The following CAMKMT variants were observed in gnomAD, a reference collection of about 807,000 sequenced individuals.
CAMKMT encodes CaM KMT.
A neutral mutation model predicts 48.0 loss-of-function variants in CAMKMT; 53 were observed. That is an observed-to-expected ratio of 1.10 (90% CI 0.89 to 1.39). The LOEUF (loss-of-function observed/expected upper bound fraction) is 1.39, where lower values mean the gene tolerates loss of function less well. Among genes scored for constraint, CAMKMT ranks in the 40% most tolerant of loss-of-function variants. CAMKMT has a pLI of 0.00. For synonymous variants in CAMKMT, 165 were observed against 152.3 expected, an observed-to-expected ratio of 1.08 and a Z score of -0.61; for missense variants, 428 against 402.7, an observed-to-expected ratio of 1.06 and a Z score of -0.54.
chr2:44,586,564 A>G (rs1287780843), intron 3 of CAMKMT, among the ~76,000 whole-genome samples: 4 of 152,092 alleles, frequency 2.6e-5, no homozygotes, highest in Non-Finnish European at 5.9e-5. Context: ...ACTCAGCATA[A>G]CTATTTTGAG....
At chr2:44,424,745 A>T (rs113329678) in intron 3 of CAMKMT, among the ~76,000 whole-genome samples, 8,501 of 152,246 alleles carry the variant, frequency 0.056, 301 homozygotes, top group South Asian at 0.13. Flanking sequence ...GACACAGTGC[A>T]CTTTGGGGAC....
At chr2:44,651,307 G>T (rs771453821) in intron 3 of CAMKMT, among the ~76,000 whole-genome samples, 2 of 152,188 alleles carry the variant, frequency 1.3e-5, no homozygotes, top group Non-Finnish European at 2.9e-5. Flanking sequence ...ACTGACTTAC[G>T]CATCCTTTTT....
At chr2:44,470,631 A>G (rs1168893383) in intron 3 of CAMKMT, among the ~76,000 whole-genome samples, 1 of 152,196 alleles carries the variant, frequency 6.6e-6, no homozygotes, top group Non-Finnish European at 1.5e-5. Flanking sequence ...TAAGAAGCTG[A>G]TTATTGAATT....
At chr2:44,437,585 C>A (rs577319335) in intron 3 of CAMKMT, among the ~76,000 whole-genome samples, 1 of 152,128 alleles carries the variant, frequency 6.6e-6, no homozygotes, top group East Asian at 1.9e-4. Context: ...CAGTGGCTCA[C>A]GCCTGTAATC....
chr2:44,749,278 G>T (rs528003774), intron 8 of CAMKMT, among the ~76,000 whole-genome samples: 1 of 152,308 alleles, frequency 6.6e-6, no homozygotes, highest in African/African-American at 2.4e-5. Context: ...GATCGGAAGA[G>T]AACCTAGTCT....
chr2:44,401,584 C>T (rs1031945691), intron 3 of CAMKMT, among the ~76,000 whole-genome samples: 21 of 151,930 alleles, frequency 1.4e-4, no homozygotes, highest in African/African-American at 4.8e-4. Flanking sequence ...TTTAAAATAG[C>T]TACATTGCTT....
At chr2:44,442,556 C>G (rs1192342308) in intron 3 of CAMKMT, among the ~76,000 whole-genome samples, 3 of 152,164 alleles carry the variant, frequency 2.0e-5, no homozygotes, top group African/African-American at 7.2e-5. Context: ...ATTCTCAGGT[C>G]AAACCTTTTG....
At chr2:44,768,342 G>GAT (rs35422115) in intron 10 of CAMKMT, among the ~76,000 whole-genome samples, 21,431 of 111,020 alleles carry the variant, frequency 0.19, 2,690 homozygotes, top group Non-Finnish European at 0.24. Context: ...GGGCGCCCAT[G>GAT]ATATATATAT....
At chr2:44,641,023 C>G (rs1439278069) in intron 3 of CAMKMT, among the ~76,000 whole-genome samples, 1 of 152,148 alleles carries the variant, frequency 6.6e-6, no homozygotes, top group East Asian at 1.9e-4. Flanking sequence ...ATGTTACAGA[C>G]TTGGTGAACA....
chr2:44,367,863 C>G (rs1678771645), intron 1 of CAMKMT, among the ~76,000 whole-genome samples: 1 of 152,208 alleles, frequency 6.6e-6, no homozygotes, highest in African/African-American at 2.4e-5. Context: ...GGGCATCTAG[C>G]TACTCTTCTA....
At chr2:44,389,320 CA>C (rs777888599) in intron 2 of CAMKMT, among the ~76,000 whole-genome samples, 140 of 152,258 alleles carry the variant, frequency 9.2e-4, no homozygotes, top group Non-Finnish European at 1.5e-3. Context: ...TAAATATAGT[CA>C]CCTTTCGAGG....
At chr2:44,649,809 A>AC (rs1673956969) in intron 3 of CAMKMT, among the ~76,000 whole-genome samples, 1 of 152,196 alleles carries the variant, frequency 6.6e-6, no homozygotes, top group South Asian at 2.1e-4. Context: ...CAAGCGGGTC[A>AC]CTGTACCTTT....
chr2:44,628,682 G>T (rs1212628254), intron 3 of CAMKMT, among the ~76,000 whole-genome samples: 1 of 151,746 alleles, frequency 6.6e-6, no homozygotes, highest in Non-Finnish European at 1.5e-5. Flanking sequence ...AATTGACCCT[G>T]TAAGCCCTAC....
intron 3 of CAMKMT, among the ~76,000 whole-genome samples, chr2:44,576,628 C>T (rs1045567100): frequency 6.6e-6 from 1 of 152,130 alleles, no homozygotes; most frequent in Admixed American, 6.5e-5. Context: ...GTGACTTACA[C>T]TGATAGCATT....
At chr2:44,542,129 CAA>C (rs542034096) in intron 3 of CAMKMT, among the ~76,000 whole-genome samples, 22 of 99,120 alleles carry the variant, frequency 2.2e-4, no homozygotes, top group Non-Finnish European at 1.9e-4. Context: ...AACTCTGTCT[CAA>C]AAAAAAAAAA....
rs756670915 is a variant in CAMKMT, at chr2:44,362,038, G to C, written c.31G>C (p.Gly11Arg). Residue 11 changes from glycine to arginine, a missense_variant, in exon 1 of 11, where the codon GGC becomes CGC. By Grantham distance (125) the Gly-to-Arg change is moderately radical. Coordinates refer to ENST00000378494, the MANE Select transcript of CAMKMT (RefSeq NM_024766.5). ...GTCGCGAGTCGCGGACGCTGGGACC[G>C]GCGAGACCGCGCGAGCAGCGGGCGG... MESRVADAGT[G>R]ETARAAGGSP... is the part of the protein sequence containing the mutation. 7 of 1,425,650 alleles carry C rather than the reference G, an allele frequency of 4.9e-6. No homozygotes were observed. The Admixed American group carries it at 2.1e-4, about 44-fold the overall frequency. The allele number at this position is 1,425,650 out of a possible 1,614,324, so 88.3% of individuals were successfully genotyped here. A position where few individuals can be genotyped will look rare whatever the true frequency, so the allele number is the denominator to read the frequency against.
chr2:44,716,585 A>G (rs1352946406), intron 7 of CAMKMT, among the ~76,000 whole-genome samples: 3 of 152,194 alleles, frequency 2.0e-5, no homozygotes, highest in African/African-American at 7.2e-5. Context: ...TGAACAAACC[A>G]CTTCTGTTTC....
chr2:44,455,964 C>G (rs751387576), intron 3 of CAMKMT, among the ~76,000 whole-genome samples: 1 of 152,060 alleles, frequency 6.6e-6, no homozygotes, highest in Non-Finnish European at 1.5e-5. Context: ...ATTTATCATT[C>G]ATAAATATTA....
At chr2:44,414,135 T>G (rs974269154) in intron 3 of CAMKMT, among the ~76,000 whole-genome samples, 2 of 152,214 alleles carry the variant, frequency 1.3e-5, no homozygotes, top group African/African-American at 2.4e-5. Flanking sequence ...GTAGAGTAGT[T>G]AGCCAGAGGT....
Sources: allele counts gnomAD v4.1 joint callset (sites outside exome capture counted in the v4.1 genomes callset), GRCh38; gene constraint gnomAD v4.1.1; transcripts MANE v1.5; gene names NCBI Gene and HGNC (gene_info 2026-07-23, HGNC 2026-07-21).